ERC2: variants seen among roughly 807,000 people sequenced by gnomAD.
The protein encoded by ERC2 is ELKS/RAB6-interacting/CAST family member 2, also known as ERC protein 2.
ERC2 carries 42 observed loss-of-function variants against 114.8 expected under a neutral mutation model. The observed-to-expected ratio is 0.37, with a 90% CI of 0.29 to 0.47. ERC2 has a LOEUF of 0.47. Among genes scored for constraint, ERC2 ranks in the 20% least tolerant of loss-of-function variants. The probability of loss-of-function intolerance (pLI) is 0.99; values close to 1 mark genes in which losing one functional copy is unlikely to be tolerated. For synonymous variants in ERC2, 454 were observed against 425.5 expected (o/e 1.07, Z -0.82); for missense variants, 939 against 1,150.7 (o/e 0.82, Z 2.66).
Position 56,019,005 on chromosome 3 carries a change from C to T in ERC2, c.1668G>A (p.Arg556=), listed in dbSNP as rs1262888171. Residue 556 remains arginine (R), a synonymous_variant, in exon 8 of 18, where the codon AGG becomes AGA. Transcript: ENST00000288221. Reference sequence around the variant, plus strand: ...GGTTGGTCAGTTGCTTGTCTTTATCCCTAAGTTGTTCTTGCAAGTTTTCAA... The same window carrying T: ...GGTTGGTCAGTTGCTTGTCTTTATCTCTAAGTTGTTCTTGCAAGTTTTCAA... ...KKIENLQEQL[R]DKDKQLTNLK... is the part of the protein sequence containing the mutation. The T allele has an allele frequency of 1.9e-6, 3 of 1,611,722 alleles. No homozygotes were observed. The highest frequency in any genetic ancestry group is 2.5e-6 in the Non-Finnish European group (3 of 1,178,890).
intron 14 of ERC2, among the ~76,000 whole-genome samples, chr3:55,868,354 CTGTT>C (rs756855415): frequency 1.3e-5 from 2 of 152,180 alleles, no homozygotes; most frequent in Non-Finnish European, 2.9e-5. Context: ...TTCCTGTAAA[CTGTT>C]TGTTGACTGG....
chr3:55,698,024 TA>T (rs1470491001), intron 16 of ERC2, among the ~76,000 whole-genome samples: 28 of 151,722 alleles, frequency 1.8e-4, no homozygotes, highest in Non-Finnish European at 2.9e-4. Flanking sequence ...ATTGAATAAA[TA>T]AAACCAAAAC....
chr3:55,887,847 C>T (rs986329025), intron 14 of ERC2, among the ~76,000 whole-genome samples: 3 of 152,170 alleles, frequency 2.0e-5, no homozygotes, highest in Non-Finnish European at 4.4e-5. Context: ...TGGGGTGTGG[C>T]GGGGTGTGGG....
At chr3:55,931,050 A>G (rs2066049565) in intron 13 of ERC2, among the ~76,000 whole-genome samples, 1 of 152,254 alleles carries the variant, frequency 6.6e-6, no homozygotes, top group African/African-American at 2.4e-5. Flanking sequence ...AACCACAATG[A>G]GATAACATCT....
At chr3:56,215,335 T>G (rs1048580092) in intron 3 of ERC2, among the ~76,000 whole-genome samples, 5 of 152,170 alleles carry the variant, frequency 3.3e-5, no homozygotes, top group African/African-American at 9.7e-5. Context: ...AAGGCAGATG[T>G]TGCAATCCTA....
chr3:56,362,756 C>A (rs530513789), intron 2 of ERC2, among the ~76,000 whole-genome samples: 1 of 152,330 alleles, frequency 6.6e-6, no homozygotes, highest in African/African-American at 2.4e-5. Context: ...GTGGGCTCTT[C>A]CTGACAGATG....
intron 17 of ERC2, among the ~76,000 whole-genome samples, chr3:55,597,737 C>T (rs997692503): frequency 6.6e-5 from 10 of 152,186 alleles, no homozygotes; most frequent in African/African-American, 2.4e-4. Flanking sequence ...GAGCCTGGAA[C>T]AGAGTAGGCA....
chr3:56,079,114 C>A (rs1336696886), intron 7 of ERC2, among the ~76,000 whole-genome samples: 2 of 151,952 alleles, frequency 1.3e-5, no homozygotes, highest in Non-Finnish European at 2.9e-5. Flanking sequence ...ATGTGAGTCA[C>A]ACAGGTAATT....
intron 14 of ERC2, among the ~76,000 whole-genome samples, chr3:55,760,267 C>T (rs988037735): frequency 6.6e-6 from 1 of 152,164 alleles, no homozygotes; most frequent in Non-Finnish European, 1.5e-5. Context: ...TTCCCATCCC[C>T]TTCTTCCTTA....
At chr3:56,018,491 C>A in intron 8 of ERC2, among the ~76,000 whole-genome samples, 1 of 151,654 alleles carries the variant, frequency 6.6e-6, no homozygotes, top group African/African-American at 2.4e-5. Flanking sequence ...GAACAGAGAA[C>A]CTGGAAAAAG....
intron 3 of ERC2, among the ~76,000 whole-genome samples, chr3:56,190,024 G>T (rs1303951821): frequency 6.6e-6 from 1 of 152,202 alleles, no homozygotes; most frequent in East Asian, 1.9e-4. Context: ...TCTTTAGCAT[G>T]AATATGATGC....
chr3:55,821,568 G>A (rs1214729485), intron 14 of ERC2, among the ~76,000 whole-genome samples: 1 of 152,148 alleles, frequency 6.6e-6, no homozygotes, highest in South Asian at 2.1e-4. Context: ...CACCCTAAAG[G>A]ATGTGCAAAA....
intron 12 of ERC2, among the ~76,000 whole-genome samples, chr3:55,965,107 T>G (rs577550827): frequency 2.6e-5 from 4 of 152,350 alleles, no homozygotes; most frequent in African/African-American, 7.2e-5. Flanking sequence ...CTTTGCCATA[T>G]TCTATCAGCT....
At position 55,870,085 on chromosome 3, in the gene ERC2, T is replaced by G. The variant is rs541472674; in HGVS notation, c.2564+18304A>C. Reference sequence around the variant, plus strand: ...TAGTATAAAAAAGAGTACAATTTTTTTTTTTTTGAGACAGGGTCTCACTCT... The same window carrying G: ...TAGTATAAAAAAGAGTACAATTTTTGTTTTTTTGAGACAGGGTCTCACTCT... On this transcript the variant is annotated intron_variant, in intron 14 of 17. Coordinates refer to ENST00000288221, the MANE Select transcript of ERC2 (RefSeq NM_015576.3). Among the ~76,000 whole-genome samples the G allele has an allele frequency of 2.0e-5, 3 of 152,160 alleles. No homozygotes were observed. The East Asian group carries it at 5.8e-4, about 30-fold the overall frequency.
intron 7 of ERC2, among the ~76,000 whole-genome samples, chr3:56,022,340 C>T (rs1016846472): frequency 1.3e-5 from 2 of 152,138 alleles, no homozygotes; most frequent in Admixed American, 1.3e-4. Context: ...TCTGCATCTG[C>T]CAGTGTGTTT....
rs111229732 is a variant in ERC2, at chr3:55,845,536, G to T, written c.2564+42853C>A. On this transcript the variant is annotated intron_variant, in intron 14 of 17. Coordinates refer to ENST00000288221, the MANE Select transcript of ERC2 (RefSeq NM_015576.3). ...AAAAAAAAAAAAAAAAGGCAAAAAT[G>T]GAAAAGTAGGACTTCTTTTTTTAGG... is the stretch of plus-strand genomic sequence containing the variant. Among the ~76,000 whole-genome samples, 705 of 144,662 alleles carry T rather than the reference G, an allele frequency of 4.9e-3. 7 individuals carry two copies. Among genetic ancestry groups the T allele is most frequent in the African/African-American group, 0.017 (668 of 39,074 alleles). The allele number at this position is 144,662 out of a possible 152,430, so 94.9% of individuals were successfully genotyped here.
intron 14 of ERC2, among the ~76,000 whole-genome samples, chr3:55,822,244 G>A (rs1294034169): frequency 6.6e-6 from 1 of 152,150 alleles, no homozygotes; most frequent in East Asian, 1.9e-4. Context: ...CATCAAAGAA[G>A]TTTTGACTTT....
intron 17 of ERC2, among the ~76,000 whole-genome samples, chr3:55,671,213 T>C (rs2061544506): frequency 6.6e-6 from 1 of 152,180 alleles, no homozygotes; most frequent in Admixed American, 6.5e-5. Context: ...CTAATTTTGA[T>C]CCCCAATAAA....
At chr3:56,039,462 A>G (rs751352510) in intron 7 of ERC2, among the ~76,000 whole-genome samples, 5 of 152,204 alleles carry the variant, frequency 3.3e-5, no homozygotes, top group Non-Finnish European at 7.3e-5. Flanking sequence ...AGGCTTGTAC[A>G]CTGAAAACTA....
Sources: gnomAD v4.1 joint callset for allele counts (sites outside exome capture counted in the v4.1 genomes callset) on GRCh38, gnomAD v4.1.1 for gene constraint, MANE v1.5 for transcripts, NCBI Gene and HGNC (gene_info 2026-07-23, HGNC 2026-07-21) for gene names.